ZNF441: variants seen among roughly 807,000 people sequenced by gnomAD.
The protein encoded by ZNF441 is zinc finger protein 441.
ZNF441 carries 25 observed loss-of-function variants against 64.5 expected under a neutral mutation model. That is an observed-to-expected ratio of 0.39 (90% CI 0.28 to 0.54). The LOEUF is 0.54. Ranked by LOEUF, ZNF441 falls within the 20% of genes least tolerant of loss-of-function variation. ZNF441 has a pLI of 0.70. For synonymous variants in ZNF441, 262 were observed against 268.0 expected, an observed-to-expected ratio of 0.98 and a Z score of 0.22; for missense variants, 715 against 843.3, an observed-to-expected ratio of 0.85 and a Z score of 1.88.
In ZNF441 at chr19:11,767,319, G is replaced by A. The variant is rs1975278364; in HGVS notation, c.3+123G>A. 2.7e-6 allele frequency: 4 copies of A among 1,463,352 alleles called. No individual in the cohort carries two copies. The highest frequency in any genetic ancestry group is 2.0e-5 in the Admixed American group (1 of 49,008). 90.6% of individuals were successfully genotyped at this position (1,463,352 alleles called of 1,614,324 possible). A position where few individuals can be genotyped will look rare whatever the true frequency, so the allele number is the denominator to read the frequency against. ...GACACCCTGGCGCAGCTCGGCCCTC[G>A]GTTCCCTCGGCCGCACGATGGGGCT... On this transcript the variant is annotated intron_variant, in intron 1 of 3. Transcript: ENST00000357901. This position sits in a 1 kb window ranked among gnomAD's most constrained non-coding sequence, Gnocchi z 5.1.
At chr19:11,773,203 G>A (rs12980410) in intron 1 of ZNF441, among the ~76,000 whole-genome samples, 73,722 of 151,086 alleles carry the variant, frequency 0.49, 19,210 homozygotes, top group African/African-American at 0.7. Flanking sequence ...TCTCTTTGAC[G>A]CTTTTATAGT....
At chr19:11,779,334 A>AAAAT (rs1568481347) in intron 3 of ZNF441, among the ~76,000 whole-genome samples, 1 of 150,538 alleles carries the variant, frequency 6.6e-6, no homozygotes, top group East Asian at 2.0e-4. Flanking sequence ...AAAAAAAAAA[A>AAAAT]AAAGAAAAAG....
At chr19:11,771,994 A>G (rs1295593070) in intron 1 of ZNF441, among the ~76,000 whole-genome samples, 1 of 152,098 alleles carries the variant, frequency 6.6e-6, no homozygotes, top group East Asian at 1.9e-4. Context: ...CATCCTGTAC[A>G]CCTGGCTCTG....
At position 11,781,646 on chromosome 19, in the gene ZNF441, A is replaced by G; in HGVS notation, c.1822A>G (p.Thr608Ala). Reference sequence around the variant, plus strand: ...CAGTTCAGTGCAAAGACATGAAAGAACTCACACTGGAGAGAAACCCTATGA... The same window carrying G: ...CAGTTCAGTGCAAAGACATGAAAGAGCTCACACTGGAGAGAAACCCTATGA... ...YPSSVQRHER[T>A]HTGEKPYECK... The change falls in exon 4 of 4, where the codon ACT becomes GCT. Residue 608 changes from threonine (T) to alanine (A), a missense_variant. Thr to Ala is a moderately conservative substitution (Grantham distance 58, BLOSUM62 0). Coordinates refer to ENST00000357901, the MANE Select transcript of ZNF441 (RefSeq NM_152355.3). 2 of 1,614,162 alleles carry G rather than the reference A, an allele frequency of 1.2e-6. No individual in the cohort carries two copies. The highest frequency in any genetic ancestry group is 8.5e-7 in the Non-Finnish European group (1 of 1,180,006).
chr19:11,775,354 G>T (rs1975345550), intron 1 of ZNF441, among the ~76,000 whole-genome samples: 1 of 151,976 alleles, frequency 6.6e-6, no homozygotes, highest in Non-Finnish European at 1.5e-5. Flanking sequence ...TTTTGAGATG[G>T]AGTCTCGCGC....
rs1200170496 is a variant in ZNF441 at position 11,782,142 on chromosome 19, GTTA to G, written c.*241_*243del. 5.3e-5 allele frequency: 20 copies of G among 377,832 alleles called. No homozygotes were observed. In the East Asian group the frequency reaches 8.1e-4, roughly 15 times the overall value. 23.4% of individuals were successfully genotyped at this position (377,832 alleles called of 1,614,324 possible). A position where few individuals can be genotyped will look rare whatever the true frequency, so the allele number is the denominator to read the frequency against. ...TTTGTCTAGCAAACTTTCAAAGGTG[GTTA>G]TTATAACATACTAGCAATGGACCTT... On this transcript the variant is annotated 3_prime_UTR_variant, in exon 4 of 4. Coordinates refer to ENST00000357901, the MANE Select transcript of ZNF441 (RefSeq NM_152355.3).
In ZNF441 at chr19:11,773,196, CTTTGACGCTT is replaced by C. The variant is rs563077015; in HGVS notation, c.4-4412_4-4403del. The stretch of plus-strand genomic sequence containing the variant: ...ATATTTACATTTGCTTGAGAATTCT[CTTTGACGCTT>C]TTATAGTTGAGAGGCTTGTCACTTA... On this transcript the variant is annotated intron_variant, in intron 1 of 3. Transcript: ENST00000357901. Among the ~76,000 whole-genome samples, 717 of 152,282 alleles carry C rather than the reference CTTTGACGCTT, an allele frequency of 4.7e-3. 2 individuals are homozygous for C. Among genetic ancestry groups the C allele is most frequent in the Middle Eastern group, 0.01 (3 of 294 alleles).
Position 11,781,433 on chromosome 19 carries a change from G to C in ZNF441, c.1609G>C (p.Gly537Arg), listed in dbSNP as rs1178132580. 6.2e-7 allele frequency: 1 copy of C among 1,613,918 alleles called. No homozygotes were observed. Among genetic ancestry groups the C allele is most frequent in the African/African-American group, 1.3e-5 (1 of 74,892 alleles). Residue 537 changes from glycine (G) to arginine (R), a missense_variant, in exon 4 of 4, where the codon GGG (glycine) becomes CGG (arginine). Around this residue, in one of 2 missense-constraint regions of ZNF441, gnomAD observed 316 missense variants for 429.3 expected, o/e 0.74. Coordinates refer to ENST00000357901, the MANE Select transcript of ZNF441 (RefSeq NM_152355.3). ...GAGACCCTATAAGTGTAAACTATGT[G>C]GGAAAGGCTTCAGGTCTTCCAGTTA... Reference protein sequence around the residue: ...GERPYKCKLCGKGFRSSSYIQ... With the variant: ...GERPYKCKLCRKGFRSSSYIQ...
Position 11,781,711 on chromosome 19 carries a change from CT to C in ZNF441, c.1889del (p.Leu630TyrfsTer62), listed in dbSNP as rs1975405654. ...CGKAFSHSSY[L>X]RIHERVHTGE... Reference sequence around the variant, plus strand: ...GTAAAGCCTTCAGTCATTCAAGTTACTTACGAATACACGAAAGAGTTCATAC... The same window carrying C: ...GTAAAGCCTTCAGTCATTCAAGTTACTACGAATACACGAAAGAGTTCATAC... On this transcript the variant is annotated frameshift_variant, in exon 4 of 4. Coordinates refer to ENST00000357901, the MANE Select transcript of ZNF441 (RefSeq NM_152355.3). LOFTEE classifies it high-confidence loss of function. The C allele has an allele frequency of 6.2e-7, 1 of 1,613,920 alleles. No individual in the cohort carries two copies. The highest frequency in any genetic ancestry group is 1.3e-5 in the African/African-American group (1 of 74,916).
Position 11,782,625 on chromosome 19 carries a change from A to G in ZNF441, c.*719A>G, listed in dbSNP as rs1975413509. The stretch of plus-strand genomic sequence containing the variant: ...GTCAGGATCTGTGGAGTTTGCGAGT[A>G]TAAGATCTTTAAGTGTTGAAGGTTT... On this transcript the variant is annotated 3_prime_UTR_variant, in exon 4 of 4. Coordinates refer to ENST00000357901, the MANE Select transcript of ZNF441 (RefSeq NM_152355.3). 1 of 152,216 alleles carries G rather than the reference A, an allele frequency of 6.6e-6. No homozygotes were observed. The highest frequency in any genetic ancestry group is 1.5e-5 in the Non-Finnish European group (1 of 68,028). The allele number at this position is 152,216 out of a possible 1,614,324, so 9.4% of individuals were successfully genotyped here.
Position 11,767,907 on chromosome 19 carries a change from G to C in ZNF441, c.3+711G>C, listed in dbSNP as rs1156737945. Among the ~76,000 whole-genome samples, 1 of 152,224 alleles carries C rather than the reference G, an allele frequency of 6.6e-6. No individual in the cohort carries two copies. Among genetic ancestry groups the C allele is most frequent in the Non-Finnish European group, 1.5e-5 (1 of 68,036 alleles). On this transcript the variant is annotated intron_variant, in intron 1 of 3. Coordinates refer to ENST00000357901, the MANE Select transcript of ZNF441 (RefSeq NM_152355.3). The surrounding 1 kb of genome is among the most constrained non-coding windows in gnomAD (Gnocchi z 5.1). ...GAGGCAGCGGGGCTGAGGGCACCTG[G>C]TTAATATCTAACTGCAATCTCGCCT...
At chr19:11,778,121 A>G (rs1019304869) in intron 2 of ZNF441, 3 of 508,504 alleles carry the variant, frequency 5.9e-6, no homozygotes, top group African/African-American at 2.0e-5. Context: ...AGTAGACTGA[A>G]TAAGAGGAGG....
chr19:11,780,371 C>T lies in ZNF441; in HGVS notation c.547C>T (p.Leu183Phe), dbSNP rs1568481702. Residue 183 changes from leucine to phenylalanine, a missense_variant, in exon 4 of 4, where the codon CTT (leucine) becomes TTT (phenylalanine). This residue lies in a region of ZNF441 where 399 missense variants were observed against 413.9 expected (regional missense o/e 0.96). Coordinates refer to ENST00000357901, the MANE Select transcript of ZNF441 (RefSeq NM_152355.3). Reference sequence around the variant, plus strand: ...TGCAAGCTTCAGTTCTCTTGAAAACCTTCAAAGACACATGGCAGCACACCA... The same window carrying T: ...TGCAAGCTTCAGTTCTCTTGAAAACTTTCAAAGACACATGGCAGCACACCA... ...ECASFSSLEN[L>F]QRHMAAHHGD... is the part of the protein sequence containing the mutation. 6 of 1,614,052 alleles carry T rather than the reference C, an allele frequency of 3.7e-6. No individual in the cohort carries two copies. Among genetic ancestry groups the T allele is most frequent in the Admixed American group, 1.7e-5 (1 of 60,004 alleles).
chr19:11,782,027 C>G lies in ZNF441; in HGVS notation c.*121C>G, dbSNP rs1015328354. On this transcript the variant is annotated 3_prime_UTR_variant, in exon 4 of 4. Coordinates refer to ENST00000357901, the MANE Select transcript of ZNF441 (RefSeq NM_152355.3). ...GAATATAAAAATGTACTAAAACCTT[C>G]CATTTTTTTCAGTACCTTTTGAAAA... The G allele has an allele frequency of 1.4e-6, 1 of 738,852 alleles. No individual in the cohort carries two copies. Among genetic ancestry groups the G allele is most frequent in the African/African-American group, 1.8e-5 (1 of 56,652 alleles). The allele number at this position is 738,852 out of a possible 1,614,324, so 45.8% of individuals were successfully genotyped here.
chr19:11,781,874 A>C lies in ZNF441; in HGVS notation c.2050A>C (p.Ser684Arg). 6.3e-7 allele frequency: 1 copy of C among 1,598,296 alleles called. No homozygotes were observed. The change falls in exon 4 of 4, where the codon AGT becomes CGT. Residue 684 changes from serine (S) to arginine (R), a missense_variant. Physicochemically the swap from Ser to Arg is moderately radical, Grantham distance 110 (BLOSUM62 -1). Around this residue, in one of 2 missense-constraint regions of ZNF441, gnomAD observed 316 missense variants for 429.3 expected, o/e 0.74. Transcript: ENST00000357901. The stretch of plus-strand genomic sequence containing the variant: ...ATGTGGGGAAGCATTTCATTGTATC[A>C]GTTCCTTTCATAAACATGAAATGAC... ...KECGEAFHCI[S>R]SFHKHEMTH
intron 3 of ZNF441, among the ~76,000 whole-genome samples, chr19:11,779,247 A>T (rs1010489791): frequency 1.3e-5 from 2 of 149,148 alleles, no homozygotes; most frequent in African/African-American, 4.9e-5. Context: ...TGAGCCCAGG[A>T]GGTCAAAGCC....
At chr19:11,779,318 CAAAAAAAAAAAAAA>C (rs67463970) in intron 3 of ZNF441, among the ~76,000 whole-genome samples, 3 of 103,432 alleles carry the variant, frequency 2.9e-5, no homozygotes, top group African/African-American at 3.2e-5. Context: ...AACCCAGTTT[CAAAAAAAAAAAAAA>C]AAAAAGAAAA....
rs1197637957 is a variant in ZNF441 at position 11,781,752 on chromosome 19, A to G, written c.1928A>G (p.Tyr643Cys). The G allele has an allele frequency of 1.2e-6, 2 of 1,614,188 alleles. No individual in the cohort carries two copies. Among genetic ancestry groups the G allele is most frequent in the Non-Finnish European group, 1.7e-6 (2 of 1,180,000 alleles). Residue 643 changes from tyrosine to cysteine, a missense_variant, in exon 4 of 4, where the codon TAT becomes TGT. Tyr to Cys is a radical substitution (Grantham distance 194). Transcript: ENST00000357901. The stretch of plus-strand genomic sequence containing the variant: ...AGAGTTCATACTGGAGAGAAGCCGT[A>G]TAAATGTAAGGAATGTGGGAAACCA... ...HERVHTGEKPYKCKECGKPFH... is the reference protein window; with the variant it reads ...HERVHTGEKPCKCKECGKPFH...
rs1975394227 is a variant in ZNF441 at position 11,780,660 on chromosome 19, C to A, written c.836C>A (p.Ser279Tyr). The A allele has an allele frequency of 1.2e-6, 2 of 1,614,080 alleles. No individual in the cohort carries two copies. Among genetic ancestry groups the A allele is most frequent in the East Asian group, 2.2e-5 (1 of 44,870 alleles). Residue 279 changes from serine (S) to tyrosine (Y), a missense_variant, in exon 4 of 4, where the codon TCC becomes TAC. Around this residue, in one of 2 missense-constraint regions of ZNF441, gnomAD observed 399 missense variants for 413.9 expected, o/e 0.96. Coordinates refer to ENST00000357901, the MANE Select transcript of ZNF441 (RefSeq NM_152355.3). ...GAAAGGACTCACACTGGAGAACAAT[C>A]CTATGAATGTAAGCAATGTGGGAAA... ...LYERTHTGEQ[S>Y]YECKQCGKAF...
Sources: gnomAD v4.1 joint callset for allele counts (sites outside exome capture counted in the v4.1 genomes callset) on GRCh38, gnomAD v4.1.1 for gene constraint, gnomAD v4.1.1 regional missense constraint, Gnocchi (gnomAD v3.1) non-coding constraint, MANE v1.5 for transcripts, NCBI Gene and HGNC (gene_info 2026-07-23, HGNC 2026-07-21) for gene names.